Variants in PDE6A observed in about 807,000 individuals in gnomAD.
The protein encoded by PDE6A is phosphodiesterase 6A, also known as rod cGMP-specific 3',5'-cyclic phosphodiesterase subunit alpha.
A neutral mutation model predicts 106.3 loss-of-function variants in PDE6A; 84 were observed. The ratio of observed to expected loss-of-function variants is 0.79; its 90% CI spans 0.66 to 0.95. The LOEUF is 0.95. PDE6A is among the 40% of genes least tolerant of loss of function. The pLI is 0.00. For synonymous variants in PDE6A, 394 were observed against 386.6 expected (o/e 1.02, Z -0.23); for missense variants, 1,052 against 1,084.9 (o/e 0.97, Z 0.43).
intron 13 of PDE6A, among the ~76,000 whole-genome samples, chr5:149,890,378 T>C (rs1752502085): frequency 6.6e-6 from 1 of 152,220 alleles, no homozygotes; most frequent in Admixed American, 6.5e-5. Flanking sequence ...GACATTAAAC[T>C]AATTAGGCTT....
At position 149,909,896 on chromosome 5, in the gene PDE6A, T is replaced by C. The variant is rs184849799; in HGVS notation, c.999-2518A>G. ...GCATATGAGAATTTCCTAATTAGCT[T>C]TTTGTTACTGGCTTAAAGCAGTGTT... is the stretch of plus-strand genomic sequence containing the variant. On this transcript the variant is annotated intron_variant, in intron 6 of 21. Coordinates refer to ENST00000255266, the MANE Select transcript of PDE6A (RefSeq NM_000440.3). 1.8e-3 allele frequency among the ~76,000 whole-genome samples: 278 copies of C among 152,340 alleles called. 1 individual carries two copies. The highest frequency in any genetic ancestry group is 4.4e-3 in the Admixed American group (67 of 15,308).
chr5:149,936,981 G>A (rs370811846), intron 1 of PDE6A, among the ~76,000 whole-genome samples: 17 of 152,208 alleles, frequency 1.1e-4, no homozygotes, highest in African/African-American at 3.9e-4. Context: ...ACATTCAAAC[G>A]GCGAGACAGA....
At chr5:149,910,396 A>G (rs549286278) in intron 6 of PDE6A, among the ~76,000 whole-genome samples, 73 of 152,340 alleles carry the variant, frequency 4.8e-4, no homozygotes, top group Non-Finnish European at 6.3e-4. Context: ...GAGAAAGATT[A>G]AATGCTGCCA....
At chr5:149,934,053 A>G (rs1256516714) in intron 2 of PDE6A, 34 bp from the exon 3 acceptor site, 1 of 1,201,430 alleles carries the variant, frequency 8.3e-7, no homozygotes, top group East Asian at 2.3e-5. Flanking sequence ...GAGGCAGGTG[A>G]GAAGAAGAAA....
At chr5:149,904,780 C>T (rs1210007891) in intron 7 of PDE6A, among the ~76,000 whole-genome samples, 5 of 152,018 alleles carry the variant, frequency 3.3e-5, no homozygotes, top group Non-Finnish European at 5.9e-5. Context: ...CTATCATTGT[C>T]TCCTGATCTC....
intron 4 of PDE6A, among the ~76,000 whole-genome samples, chr5:149,929,892 C>T (rs72830299): frequency 0.15 from 22,569 of 152,046 alleles, 2,506 homozygotes; most frequent in African/African-American, 0.31. Context: ...TAATTAATGT[C>T]CCTTTTCTGT....
chr5:149,942,686 G>A (rs923363743), intron 1 of PDE6A, among the ~76,000 whole-genome samples: 2 of 151,984 alleles, frequency 1.3e-5, no homozygotes, highest in African/African-American at 4.8e-5. Context: ...CTAGGTGAGG[G>A]GGATGTGGCA....
At chr5:149,934,492 G>T (rs1408813803) in intron 2 of PDE6A, 74 bp downstream of exon 2, 51 of 1,499,196 alleles carry the variant, frequency 3.4e-5, no homozygotes, top group Non-Finnish European at 4.6e-5. Context: ...AGGTCAAACA[G>T]CAAAGTTCAG....
Position 149,860,828 on chromosome 5 carries a change from C to T in PDE6A, c.*67G>A. The T allele has an allele frequency of 7.6e-7, 1 of 1,314,036 alleles. No individual in the cohort carries two copies. The highest frequency in any genetic ancestry group is 1.1e-6 in the Non-Finnish European group (1 of 907,588). The allele number at this position is 1,314,036 out of a possible 1,614,324, so 81.4% of individuals were successfully genotyped here. On this transcript the variant is annotated 3_prime_UTR_variant, in exon 22 of 22. Coordinates refer to ENST00000255266, the MANE Select transcript of PDE6A (RefSeq NM_000440.3). Reference sequence around the variant, plus strand: ...TCTACTTCTCAAGGTGTGTGGTCTTCCACTGGCTTGAGTCATCTCTTCCCA... The same window carrying T: ...TCTACTTCTCAAGGTGTGTGGTCTTTCACTGGCTTGAGTCATCTCTTCCCA...
intron 4 of PDE6A, among the ~76,000 whole-genome samples, chr5:149,922,886 T>A (rs1007401267): frequency 6.6e-6 from 1 of 152,178 alleles, no homozygotes; most frequent in Non-Finnish European, 1.5e-5. Flanking sequence ...TTCCATGTAA[T>A]AATTTGAGCT....
At chr5:149,918,241 G>T (rs550421655) in intron 5 of PDE6A, among the ~76,000 whole-genome samples, 2 of 152,350 alleles carry the variant, frequency 1.3e-5, no homozygotes, top group Non-Finnish European at 1.5e-5. Flanking sequence ...TGGAGATGAT[G>T]TAAGGTCTCT....
rs974184621 is a variant in PDE6A, at chr5:149,884,495, G to A, written c.2011C>T (p.Leu671Phe). The A allele has an allele frequency of 1.2e-6, 2 of 1,611,784 alleles. No individual in the cohort carries two copies. The highest frequency in any genetic ancestry group is 4.5e-5 in the East Asian group (2 of 44,864). ...TATACCAACTTGAAATACAGGGCGA[G>A]GTCTGTGGCAATGATTGCAATGTCC... ...MMDIAIIATD[L>F]ALYFKKRTMF... is the part of the protein sequence containing the mutation. Residue 671 changes from leucine to phenylalanine, a missense_variant, in exon 16 of 22, where the codon CTC (leucine) becomes TTC (phenylalanine). This residue lies in a region of PDE6A where 913 missense variants were observed against 915.2 expected (regional missense o/e 1.00). Transcript: ENST00000255266.
intron 4 of PDE6A, among the ~76,000 whole-genome samples, chr5:149,929,372 C>T (rs1358481477): frequency 5.3e-5 from 8 of 151,908 alleles, no homozygotes; most frequent in East Asian, 1.9e-4. Flanking sequence ...TTTGGGAGGC[C>T]GAGGCAGGCG....
chr5:149,869,996 C>T (rs1760477116), intron 17 of PDE6A, among the ~76,000 whole-genome samples: 1 of 152,134 alleles, frequency 6.6e-6, no homozygotes, highest in African/African-American at 2.4e-5. Context: ...TAAATAAAAT[C>T]TTTAATTATG....
chr5:149,937,483 T>C (rs916677921), intron 1 of PDE6A, among the ~76,000 whole-genome samples: 2 of 152,134 alleles, frequency 1.3e-5, no homozygotes, highest in Admixed American at 1.3e-4. Flanking sequence ...GCTCAAGCCA[T>C]CCTCCCACCT....
At chr5:149,944,102 C>T in intron 1 of PDE6A, 98 bp downstream of exon 1, 1 of 842,536 alleles carries the variant, frequency 1.2e-6, no homozygotes, top group Non-Finnish European at 2.0e-6. Flanking sequence ...ATGTTGTCAC[C>T]AGCCTTGTCT....
intron 6 of PDE6A, among the ~76,000 whole-genome samples, chr5:149,914,585 T>C (rs1753492543): frequency 6.6e-6 from 1 of 151,932 alleles, no homozygotes; most frequent in African/African-American, 2.4e-5. Flanking sequence ...TAAACGCCAA[T>C]TTCCCAAAAA....
At chr5:149,927,747 T>C (rs1182077720) in intron 4 of PDE6A, among the ~76,000 whole-genome samples, 1 of 152,056 alleles carries the variant, frequency 6.6e-6, no homozygotes, top group Non-Finnish European at 1.5e-5. Context: ...TTCTTTTTTC[T>C]TTTTTTATGT....
At chr5:149,910,364 T>C (rs1753343881) in intron 6 of PDE6A, among the ~76,000 whole-genome samples, 1 of 152,240 alleles carries the variant, frequency 6.6e-6, no homozygotes, top group Non-Finnish European at 1.5e-5. Context: ...GTAATCATTG[T>C]TGACTAACTT....
Sources: allele counts gnomAD v4.1 joint callset (sites outside exome capture counted in the v4.1 genomes callset), GRCh38; gene constraint gnomAD v4.1.1; regional missense constraint gnomAD v4.1.1; transcripts MANE v1.5; gene names NCBI Gene and HGNC (gene_info 2026-07-23, HGNC 2026-07-21).